The following DPH6 variants were observed in gnomAD, a reference collection of about 807,000 sequenced individuals.
DPH6 encodes diphthine--ammonia ligase.
In DPH6, 33 loss-of-function variants were observed where a neutral mutation model predicts 38.2. That is an observed-to-expected ratio of 0.86 (90% CI 0.65 to 1.15). The LOEUF (loss-of-function observed/expected upper bound fraction) is 1.15, where lower values mean the gene tolerates loss of function less well. DPH6 is among the 50% of genes most tolerant of loss of function. The pLI is 0.00. For synonymous variants in DPH6, 108 were observed against 103.0 expected (o/e 1.05, Z -0.30); for missense variants, 325 against 320.0 (o/e 1.02, Z -0.12).
the DPH6 span, among the ~76,000 whole-genome samples, chr15:35,161,669 C>A: frequency 6.7e-6 from 1 of 149,810 alleles, no homozygotes; most frequent in Non-Finnish European, 1.5e-5. Flanking sequence ...AGAAGAGACA[C>A]CAAGAGCTAG....
At chr15:35,179,706 CAGGGG>C in the DPH6 span, among the ~76,000 whole-genome samples, 3 of 152,046 alleles carry the variant, frequency 2.0e-5, no homozygotes, top group African/African-American at 7.2e-5. Context: ...CTTGTAAAGA[CAGGGG>C]ATGCTAGGAT....
intron 4 of DPH6, 28 bp downstream of exon 4, chr15:35,454,719 T>G (rs955479811): frequency 2.5e-6 from 4 of 1,569,376 alleles, no homozygotes; most frequent in Non-Finnish European, 3.5e-6. Flanking sequence ...CATACACTTT[T>G]AAAACTAACA....
At chr15:35,159,769 A>C in the DPH6 span, among the ~76,000 whole-genome samples, 1 of 152,038 alleles carries the variant, frequency 6.6e-6, no homozygotes, top group Non-Finnish European at 1.5e-5. Flanking sequence ...CTCATCCAGC[A>C]CTATTCACAA....
chr15:35,283,575 A>G (rs1460042257), intron 3 of DPH6, among the ~76,000 whole-genome samples: 1 of 152,100 alleles, frequency 6.6e-6, no homozygotes, highest in Non-Finnish European at 1.5e-5. Flanking sequence ...GACCACAGGC[A>G]TGAGCTACCA....
intron 3 of DPH6, among the ~76,000 whole-genome samples, chr15:35,259,444 A>T (rs777999011): frequency 4.8e-4 from 73 of 152,214 alleles, no homozygotes; most frequent in Non-Finnish European, 7.3e-4. Flanking sequence ...GCATTCCTGT[A>T]ATTACTAACA....
intron 3 of DPH6, among the ~76,000 whole-genome samples, chr15:35,348,637 G>T (rs2052482326): frequency 6.6e-6 from 1 of 152,156 alleles, no homozygotes; most frequent in South Asian, 2.1e-4. Context: ...GGCTAGTCAT[G>T]GTCTTTTGAG....
chr15:35,373,866 A>C (rs2052745847), intron 7 of DPH6, among the ~76,000 whole-genome samples: 1 of 152,062 alleles, frequency 6.6e-6, no homozygotes, highest in South Asian at 2.1e-4. Context: ...AGGTTCACTC[A>C]AAGCTCTCTG....
At chr15:35,173,432 C>T in the DPH6 span, among the ~76,000 whole-genome samples, 3 of 152,176 alleles carry the variant, frequency 2.0e-5, no homozygotes, top group African/African-American at 7.2e-5. Context: ...AGGCCACTGT[C>T]ATTTGTATGC....
intron 6 of DPH6, among the ~76,000 whole-genome samples, chr15:35,394,757 C>T (rs62002900): frequency 0.33 from 50,238 of 152,004 alleles, 9,260 homozygotes; most frequent in African/African-American, 0.5. Flanking sequence ...AGTATAACTG[C>T]TTTCAGGAAT....
At chr15:35,406,241 G>A (rs1037407854) in intron 6 of DPH6, among the ~76,000 whole-genome samples, 1 of 151,922 alleles carries the variant, frequency 6.6e-6, no homozygotes, top group Admixed American at 6.6e-5. Flanking sequence ...CATGGAGGTA[G>A]GAGGAGATAT....
intron 3 of DPH6, among the ~76,000 whole-genome samples, chr15:35,266,776 G>A (rs1023953532): frequency 1.3e-5 from 2 of 152,102 alleles, no homozygotes; most frequent in African/African-American, 4.8e-5. Context: ...GTTTTCTATT[G>A]TCTTTGTAGC....
chr15:35,368,230 G>C (rs889058535), downstream of DPH6, among the ~76,000 whole-genome samples: 2 of 151,828 alleles, frequency 1.3e-5, no homozygotes, highest in African/African-American at 4.8e-5. Flanking sequence ...GTTAAAAAGA[G>C]AAGAAGAAAG....
At chr15:35,223,502 A>T (rs1437569613) in intron 3 of DPH6, among the ~76,000 whole-genome samples, 3 of 152,088 alleles carry the variant, frequency 2.0e-5, no homozygotes, top group Non-Finnish European at 4.4e-5. Flanking sequence ...CTGGCTAAGA[A>T]GGTGAAACCC....
chr15:35,220,152 CTCTG>C (rs959909107), exon 4 of DPH6: 9 of 152,158 alleles, frequency 5.9e-5, no homozygotes, highest in African/African-American at 1.2e-4. Flanking sequence ...TATCATATAT[CTCTG>C]TCTACTATAA....
At chr15:35,419,330 A>G (rs991851430) in intron 5 of DPH6, among the ~76,000 whole-genome samples, 1 of 152,108 alleles carries the variant, frequency 6.6e-6, no homozygotes, top group African/African-American at 2.4e-5. Flanking sequence ...GCTTACATAT[A>G]TGAAAGTGAC....
intron 3 of DPH6, among the ~76,000 whole-genome samples, chr15:35,526,643 A>C (rs983400580): frequency 6.6e-6 from 1 of 152,180 alleles, no homozygotes; most frequent in Non-Finnish European, 1.5e-5. Flanking sequence ...ATATACTCCA[A>C]AAAGTCTGAA....
intron 3 of DPH6, among the ~76,000 whole-genome samples, chr15:35,320,954 G>C (rs2052235588): frequency 6.6e-6 from 1 of 152,098 alleles, no homozygotes; most frequent in Non-Finnish European, 1.5e-5. Flanking sequence ...GAGTCAGCTG[G>C]TCATCAGAAA....
intron 3 of DPH6, among the ~76,000 whole-genome samples, chr15:35,355,274 A>G (rs1243853487): frequency 1.3e-5 from 2 of 152,180 alleles, no homozygotes; most frequent in Admixed American, 1.3e-4. Flanking sequence ...TGGAGCATTT[A>G]GCCCATTTAC....
chr15:35,434,597 C>T (rs2053672864), intron 5 of DPH6, among the ~76,000 whole-genome samples: 1 of 152,050 alleles, frequency 6.6e-6, no homozygotes, highest in Admixed American at 6.6e-5. Flanking sequence ...AAAGTATATG[C>T]ACGCACACAC....
Sources: allele counts gnomAD v4.1 joint callset (sites outside exome capture counted in the v4.1 genomes callset), GRCh38; gene constraint gnomAD v4.1.1; transcripts MANE v1.5; gene names NCBI Gene and HGNC (gene_info 2026-07-23, HGNC 2026-07-21).